APOO: variants seen among roughly 807,000 people sequenced by gnomAD.
The protein encoded by APOO is MICOS complex subunit MIC26.
Under a neutral mutation model 23.1 loss-of-function variants are expected in APOO, and 11 were observed. The ratio of observed to expected loss-of-function variants is 0.48; its 90% CI spans 0.30 to 0.79. APOO has a LOEUF of 0.79. Ranked by LOEUF, APOO falls within the 30% of genes least tolerant of loss-of-function variation. The probability of loss-of-function intolerance (pLI) is 0.07; values close to 1 mark genes in which losing one functional copy is unlikely to be tolerated. For missense variants in APOO, 160 were observed against 142.7 expected, an observed-to-expected ratio of 1.12 and a Z score of -0.62; for synonymous variants, 59 against 54.8, an observed-to-expected ratio of 1.08 and a Z score of -0.34.
intron 3 of APOO, 110 bp from the exon 4 acceptor site, chrX:23,874,567 G>A (rs936942782): frequency 1.9e-5 from 13 of 674,242 alleles, no homozygotes; most frequent in South Asian, 1.8e-4. Flanking sequence ...TGTTATTAAC[G>A]CTTTTTGAAC....
intron 1 of APOO, among the ~76,000 whole-genome samples, chrX:23,881,897 A>G (rs1368135784): frequency 1.0e-5 from 1 of 97,991 alleles, no homozygotes; most frequent in Non-Finnish European, 2.0e-5. Flanking sequence ...GCAGTGAACC[A>G]AGATTGTGCC....
intron 7 of APOO, among the ~76,000 whole-genome samples, chrX:23,850,800 C>T (rs1037714984): frequency 1.5e-4 from 17 of 111,701 alleles, no homozygotes; most frequent in African/African-American, 4.9e-4. Flanking sequence ...ACACTCCAGC[C>T]TGAGCAACAG....
intron 1 of APOO, among the ~76,000 whole-genome samples, chrX:23,896,220 A>G (rs747790086): frequency 2.9e-4 from 32 of 110,028 alleles, no homozygotes; most frequent in Non-Finnish European, 5.9e-4. Context: ...GTGAACGAAG[A>G]TGGCGCCACT....
At chrX:23,842,657 A>G (rs1924037496) in intron 7 of APOO, among the ~76,000 whole-genome samples, 1 of 111,471 alleles carries the variant, frequency 9.0e-6, no homozygotes, top group Non-Finnish European at 1.9e-5. Flanking sequence ...GAGAGAAAAA[A>G]AGGCTTATAA....
At chrX:23,876,001 C>T (rs991056870) in intron 3 of APOO, among the ~76,000 whole-genome samples, 3 of 109,927 alleles carry the variant, frequency 2.7e-5, no homozygotes, top group Admixed American at 9.8e-5. Flanking sequence ...CGGTGGCTCA[C>T]GGCTGTAATC....
Position 23,878,933 on chromosome X carries a change from T to G in APOO, c.219A>C (p.Pro73=). Residue 73 remains proline, a synonymous_variant, in exon 3 of 9, where the codon CCA becomes CCC. Coordinates refer to ENST00000379226, the MANE Select transcript of APOO (RefSeq NM_024122.5). The part of the protein sequence containing the change: ...SISQLRHYCE[P]YTTWCQETYS... ...GTTGTACCTGACACCAGGTTGTGTATGGCTCGCAATAGTGTCGGAGCTGTG... is the reference window on the plus strand; with the variant it reads ...GTTGTACCTGACACCAGGTTGTGTAGGGCTCGCAATAGTGTCGGAGCTGTG... The G allele has an allele frequency of 8.3e-7, 1 of 1,211,138 alleles. No homozygotes were observed. The highest frequency in any genetic ancestry group is 1.1e-6 in the Non-Finnish European group (1 of 895,057).
intron 4 of APOO, among the ~76,000 whole-genome samples, chrX:23,869,500 T>G (rs1358258487): frequency 9.2e-6 from 1 of 108,930 alleles, no homozygotes; most frequent in Non-Finnish European, 1.9e-5. Context: ...TCCTATAAAC[T>G]CAGCACTTTC....
intron 1 of APOO, among the ~76,000 whole-genome samples, chrX:23,904,775 G>A (rs1179541038): frequency 9.0e-6 from 1 of 110,958 alleles, no homozygotes; most frequent in African/African-American, 3.3e-5. Context: ...CGAAGTGCTG[G>A]GATTACAGGC....
At chrX:23,872,541 ATAT>A (rs1309159693) in intron 4 of APOO, among the ~76,000 whole-genome samples, 31 of 105,045 alleles carry the variant, frequency 3.0e-4, no homozygotes, top group African/African-American at 1.0e-3. Flanking sequence ...ATATATATAT[ATAT>A]AAAATTTTTG....
intron 1 of APOO, among the ~76,000 whole-genome samples, chrX:23,894,238 G>A (rs1045045547): frequency 4.6e-5 from 5 of 108,739 alleles, no homozygotes; most frequent in Admixed American, 1.0e-4. Context: ...TCCGCCTCCC[G>A]GGTTTAAGCG....
At chrX:23,891,875 TA>T (rs1926670910) in intron 1 of APOO, among the ~76,000 whole-genome samples, 1 of 108,900 alleles carries the variant, frequency 9.2e-6, no homozygotes, top group Non-Finnish European at 1.9e-5. Flanking sequence ...TATATATACT[TA>T]AAAATATAGT....
intron 8 of APOO, among the ~76,000 whole-genome samples, chrX:23,839,093 C>T (rs1569224854): frequency 8.9e-6 from 1 of 112,041 alleles, no homozygotes; most frequent in Non-Finnish European, 1.9e-5. Context: ...GCATATCTGG[C>T]CCCATTCACC....
chrX:23,895,901 TGTA>T (rs1330183774), intron 1 of APOO, among the ~76,000 whole-genome samples: 2 of 108,059 alleles, frequency 1.9e-5, no homozygotes, highest in Non-Finnish European at 3.8e-5. Context: ...GAAGGGGACT[TGTA>T]GTATGATTCC....
intron 1 of APOO, among the ~76,000 whole-genome samples, chrX:23,900,574 C>G (rs1466824926): frequency 9.4e-6 from 1 of 106,646 alleles, no homozygotes; most frequent in Non-Finnish European, 1.9e-5. Context: ...ACTTGGGAGG[C>G]TAAGGGAGGA....
intron 4 of APOO, among the ~76,000 whole-genome samples, chrX:23,871,428 C>A (rs1475977033): frequency 2.7e-5 from 3 of 109,811 alleles, no homozygotes; most frequent in Non-Finnish European, 5.7e-5. Context: ...ATGACTTACA[C>A]AAAGCCCTCA....
intron 5 of APOO, among the ~76,000 whole-genome samples, chrX:23,867,612 A>G (rs1925403559): frequency 9.0e-6 from 1 of 110,776 alleles, no homozygotes; most frequent in Non-Finnish European, 1.9e-5. Flanking sequence ...GCTCGAACTC[A>G]GCTCACTGCA....
intron 5 of APOO, among the ~76,000 whole-genome samples, chrX:23,862,934 GA>G (rs1234444758): frequency 1.6e-5 from 1 of 64,053 alleles, no homozygotes; most frequent in African/African-American, 5.9e-5. Flanking sequence ...GGGAGAGAGG[GA>G]GGGGAGGGCA....
chrX:23,887,898 G>C (rs753923482), intron 1 of APOO, among the ~76,000 whole-genome samples: 1 of 111,573 alleles, frequency 9.0e-6, no homozygotes, highest in East Asian at 2.8e-4. Flanking sequence ...CAGCTAGTTG[G>C]GGGTCTCAAA....
chrX:23,889,726 G>A (rs1203109130), intron 1 of APOO, among the ~76,000 whole-genome samples: 6 of 99,316 alleles, frequency 6.0e-5, no homozygotes, highest in South Asian at 5.3e-4. Flanking sequence ...GCAGTGGTGC[G>A]ATCTTGGCTC....
Sources: gnomAD v4.1 joint callset for allele counts (sites outside exome capture counted in the v4.1 genomes callset) on GRCh38, gnomAD v4.1.1 for gene constraint, MANE v1.5 for transcripts, NCBI Gene and HGNC (gene_info 2026-07-23, HGNC 2026-07-21) for gene names.